Variants in RASGEF1C observed in about 807,000 individuals in gnomAD.
RASGEF1C encodes the protein RasGEF domain family member 1C, also known as ras-GEF domain-containing family member 1C.
RASGEF1C carries 27 observed loss-of-function variants against 58.1 expected under a neutral mutation model. The ratio of observed to expected loss-of-function variants is 0.46; its 90% CI spans 0.34 to 0.64. The LOEUF (loss-of-function observed/expected upper bound fraction) is 0.64, where lower values mean the gene tolerates loss of function less well. Among genes scored for constraint, RASGEF1C ranks in the 30% least tolerant of loss-of-function variants. The pLI is 0.01. For synonymous variants in RASGEF1C, 243 were observed against 246.3 expected (o/e 0.99, Z 0.13); for missense variants, 502 against 605.1 (o/e 0.83, Z 1.79).
At chr5:180,207,364 C>T (rs1311190786) in intron 1 of RASGEF1C, among the ~76,000 whole-genome samples, 6 of 152,232 alleles carry the variant, frequency 3.9e-5, no homozygotes, top group Admixed American at 6.5e-5. Context: ...ACTGACAAGG[C>T]CTAGAGGCGG....
intron 1 of RASGEF1C, among the ~76,000 whole-genome samples, chr5:180,173,881 C>G (rs1011234688): frequency 2.7e-5 from 4 of 149,488 alleles, no homozygotes; most frequent in Non-Finnish European, 2.9e-5. Context: ...CCACTGCACT[C>G]CAGCCTGGGC....
intron 1 of RASGEF1C, among the ~76,000 whole-genome samples, chr5:180,173,669 C>A (rs1054791679): frequency 1.3e-5 from 2 of 151,686 alleles, no homozygotes; most frequent in African/African-American, 2.4e-5. Flanking sequence ...AGTCCCAGCA[C>A]TTTGGGAGGC....
Position 180,163,249 on chromosome 5 carries a change from TTTTCC to T in RASGEF1C, c.-6-25196_-6-25192del, listed in dbSNP as rs1382845431. ...CCCCTCACTTTTTTTTTTTTTTTTTTTTTCCAGCCTATTGCACTGGCTAGGACTTC... is the reference window on the plus strand; with the variant it reads ...CCCCTCACTTTTTTTTTTTTTTTTTTAGCCTATTGCACTGGCTAGGACTTC... On this transcript the variant is annotated intron_variant, in intron 1 of 13. Coordinates refer to ENST00000361132, the MANE Select transcript of RASGEF1C (RefSeq NM_175062.4). 1.1e-4 allele frequency among the ~76,000 whole-genome samples: 10 copies of T among 88,996 alleles called. 1 individual carries two copies. Among genetic ancestry groups the T allele is most frequent in the East Asian group, 4.1e-4 (1 of 2,438 alleles). 58.4% of individuals were successfully genotyped at this position (88,996 alleles called of 152,430 possible).
At chr5:180,119,527 C>T (rs936534228) in intron 7 of RASGEF1C, 79 bp from the exon 8 acceptor site, 19 of 1,070,648 alleles carry the variant, frequency 1.8e-5, no homozygotes, top group South Asian at 6.6e-5. Flanking sequence ...TCACCTGGCC[C>T]GCTTCACCTT....
intron 1 of RASGEF1C, among the ~76,000 whole-genome samples, chr5:180,204,708 G>A (rs1456820676): frequency 6.6e-6 from 1 of 151,882 alleles, no homozygotes; most frequent in African/African-American, 2.4e-5. Context: ...TCTTAATAGG[G>A]GAAGTATTAG....
intron 1 of RASGEF1C, among the ~76,000 whole-genome samples, chr5:180,146,534 T>A (rs926358736): frequency 2.0e-5 from 3 of 152,090 alleles, no homozygotes; most frequent in Non-Finnish European, 2.9e-5. Context: ...TGAAAGGGCA[T>A]TGAATTTTGT....
chr5:180,109,406 C>T (rs1195870936), intron 12 of RASGEF1C, among the ~76,000 whole-genome samples: 2 of 151,988 alleles, frequency 1.3e-5, no homozygotes, highest in Admixed American at 6.6e-5. Context: ...TGCAGTGAGC[C>T]GAGATTGCGC....
intron 1 of RASGEF1C, among the ~76,000 whole-genome samples, chr5:180,166,757 C>A (rs191076360): frequency 6.6e-6 from 1 of 152,068 alleles, no homozygotes; most frequent in Non-Finnish European, 1.5e-5. Context: ...CTCAGATGAT[C>A]CACCCGCCTC....
At chr5:180,123,304 T>C (rs1450818410) in intron 6 of RASGEF1C, among the ~76,000 whole-genome samples, 1 of 152,184 alleles carries the variant, frequency 6.6e-6, no homozygotes, top group Non-Finnish European at 1.5e-5. Context: ...TTAACACACA[T>C]GACGGTAACT....
chr5:180,157,076 C>T (rs12520009), intron 1 of RASGEF1C, among the ~76,000 whole-genome samples: 32 of 152,218 alleles, frequency 2.1e-4, no homozygotes, highest in African/African-American at 7.2e-4. Flanking sequence ...GAGGGCAATA[C>T]AGTACAGGCG....
At chr5:180,153,983 T>C (rs1766809615) in intron 1 of RASGEF1C, among the ~76,000 whole-genome samples, 1 of 152,230 alleles carries the variant, frequency 6.6e-6, no homozygotes, top group African/African-American at 2.4e-5. Context: ...CTGGTCAGCA[T>C]GTGTCCCAGA....
At chr5:180,174,388 A>G (rs1767174015) in intron 1 of RASGEF1C, among the ~76,000 whole-genome samples, 1 of 151,640 alleles carries the variant, frequency 6.6e-6, no homozygotes, top group Non-Finnish European at 1.5e-5. Context: ...CTTGTCAGAG[A>G]TGCATGTGTG....
intron 12 of RASGEF1C, among the ~76,000 whole-genome samples, chr5:180,107,428 G>A (rs1765888376): frequency 6.6e-6 from 1 of 151,992 alleles, no homozygotes; most frequent in Non-Finnish European, 1.5e-5. Context: ...CCTGAAGGAT[G>A]TTTTCACCGT....
chr5:180,121,681 A>ACACACCC (rs71892414), intron 6 of RASGEF1C, among the ~76,000 whole-genome samples: 2 of 73,468 alleles, frequency 2.7e-5, no homozygotes, highest in African/African-American at 6.8e-5. Flanking sequence ...ACACACACAC[A>ACACACCC]CCCTCATTAT....
rs1238609175 is a variant in RASGEF1C at position 180,118,606 on chromosome 5, T to A, written c.1083+3A>T. On this transcript the variant is annotated splice_donor_region_variant and intron_variant, in intron 10 of 13. Transcript: ENST00000361132. ...CCCCTGGGCCAACGTGGCCCCGACCTACCTTCTCTCGGCTGCTGTGGGCCG... is the reference window on the plus strand; with the variant it reads ...CCCCTGGGCCAACGTGGCCCCGACCAACCTTCTCTCGGCTGCTGTGGGCCG... 6.2e-7 allele frequency: 1 copy of A among 1,605,736 alleles called. No homozygotes were observed. The highest frequency in any genetic ancestry group is 8.5e-7 in the Non-Finnish European group (1 of 1,175,860).
intron 6 of RASGEF1C, among the ~76,000 whole-genome samples, chr5:180,127,118 GA>G (rs1766275657): frequency 6.6e-6 from 1 of 152,148 alleles, no homozygotes; most frequent in Non-Finnish European, 1.5e-5. Context: ...GGGCGGGATC[GA>G]AATCCGGGTG....
rs1164027825 is a variant in RASGEF1C at position 180,158,016 on chromosome 5, T to C, written c.-6-19958A>G. 6.6e-6 allele frequency among the ~76,000 whole-genome samples: 1 copy of C among 152,138 alleles called. No homozygotes were observed. The highest frequency in any genetic ancestry group is 1.5e-5 in the Non-Finnish European group (1 of 68,018). On this transcript the variant is annotated intron_variant, in intron 1 of 13. Coordinates refer to ENST00000361132, the MANE Select transcript of RASGEF1C (RefSeq NM_175062.4). The surrounding 1 kb of genome is among the most constrained non-coding windows in gnomAD (Gnocchi z 4.0). ...AGCTGTAACAAACATACCATTCTGG[T>C]GGGTGACGTCGATAATGGGGGAGGC...
intron 1 of RASGEF1C, among the ~76,000 whole-genome samples, chr5:180,207,773 C>T (rs1756515504): frequency 6.6e-6 from 1 of 152,128 alleles, no homozygotes; most frequent in South Asian, 2.1e-4. Flanking sequence ...CCCCTCCTGC[C>T]CTCAGGGATC....
At chr5:180,121,355 C>A (rs189634813) in intron 6 of RASGEF1C, among the ~76,000 whole-genome samples, 3 of 152,010 alleles carry the variant, frequency 2.0e-5, no homozygotes, top group African/African-American at 4.8e-5. Context: ...GCTCTGTCGC[C>A]CAGGCTGGAG....
Sources: allele counts gnomAD v4.1 joint callset (sites outside exome capture counted in the v4.1 genomes callset), GRCh38; gene constraint gnomAD v4.1.1; non-coding constraint Gnocchi (gnomAD v3.1); transcripts MANE v1.5; gene names NCBI Gene and HGNC (gene_info 2026-07-23, HGNC 2026-07-21).